The following DYNC1I1 variants were observed in gnomAD, a reference collection of about 807,000 sequenced individuals.
DYNC1I1 encodes dynein cytoplasmic 1 intermediate chain 1, also known as cytoplasmic dynein 1 intermediate chain 1.
In DYNC1I1, 43 loss-of-function variants were observed where a neutral mutation model predicts 86.6. That is an observed-to-expected ratio of 0.50 (90% CI 0.39 to 0.64). The LOEUF (loss-of-function observed/expected upper bound fraction) is 0.64. DYNC1I1 is among the 30% of genes least tolerant of loss of function. The pLI is 0.00. For missense variants in DYNC1I1, 604 were observed against 788.8 expected (o/e 0.77, Z 2.81); for synonymous variants, 262 against 283.7 (o/e 0.92, Z 0.77).
chr7:95,809,159 G>A (rs1227589567), intron 2 of DYNC1I1, among the ~76,000 whole-genome samples: 3 of 152,074 alleles, frequency 2.0e-5, no homozygotes, highest in African/African-American at 7.2e-5. Flanking sequence ...GAGTGATTTA[G>A]CTCAAAGTTA....
chr7:96,055,043 G>A (rs534078482), intron 14 of DYNC1I1, among the ~76,000 whole-genome samples: 1 of 152,272 alleles, frequency 6.6e-6, no homozygotes, highest in South Asian at 2.1e-4. Context: ...CTTTGCCCAT[G>A]CCTGTGTCCT....
intron 10 of DYNC1I1, among the ~76,000 whole-genome samples, chr7:96,020,433 G>A (rs1794515194): frequency 6.6e-6 from 1 of 152,036 alleles, no homozygotes; most frequent in Non-Finnish European, 1.5e-5. Context: ...AATACCATCA[G>A]ATCTTGTGAG....
chr7:96,055,517 T>C (rs2116134029), intron 14 of DYNC1I1, among the ~76,000 whole-genome samples: 1 of 152,334 alleles, frequency 6.6e-6, no homozygotes, highest in South Asian at 2.1e-4. Flanking sequence ...TCTTCCAATA[T>C]GTTTTGTCCC....
At chr7:96,085,799 A>G (rs1790660941) in intron 16 of DYNC1I1, among the ~76,000 whole-genome samples, 1 of 152,200 alleles carries the variant, frequency 6.6e-6, no homozygotes, top group African/African-American at 2.4e-5. Context: ...GTTTTGAGAA[A>G]TCTCCAAACT....
At chr7:95,777,422 C>T (rs1045727326) in intron 1 of DYNC1I1, among the ~76,000 whole-genome samples, 1 of 152,186 alleles carries the variant, frequency 6.6e-6, no homozygotes, top group Non-Finnish European at 1.5e-5. Flanking sequence ...TCTGAGGCTT[C>T]CCTGATACAG....
chr7:95,961,915 T>C (rs6959747), intron 6 of DYNC1I1, among the ~76,000 whole-genome samples: 60,056 of 152,010 alleles, frequency 0.4, 12,565 homozygotes, highest in Non-Finnish European at 0.47. Context: ...CCTCTCCACA[T>C]GGTTTGTCTT....
intron 14 of DYNC1I1, among the ~76,000 whole-genome samples, chr7:96,045,301 A>G (rs1217879243): frequency 6.6e-6 from 1 of 152,158 alleles, no homozygotes; most frequent in Admixed American, 6.5e-5. Context: ...AAAGTCAAGG[A>G]TGTGGTCATG....
chr7:96,032,544 G>A lies in DYNC1I1; in HGVS notation c.1117-123G>A, dbSNP rs866238754. 8.8e-5 allele frequency: 63 copies of A among 719,488 alleles called. 1 individual carries two copies. The highest frequency in any genetic ancestry group is 7.5e-4 in the African/African-American group (42 of 55,658). The allele number at this position is 719,488 out of a possible 1,614,324, so 44.6% of individuals were successfully genotyped here. ...AATCAAAAGCGGCAAATGACCTGAC[G>A]CTTGTATTATAGTAGGATTATGTTA... On this transcript the variant is annotated intron_variant, in intron 11 of 16. Transcript: ENST00000447467.
At chr7:96,065,584 C>T (rs981112839) in intron 14 of DYNC1I1, among the ~76,000 whole-genome samples, 3 of 151,996 alleles carry the variant, frequency 2.0e-5, no homozygotes, top group Non-Finnish European at 2.9e-5. Flanking sequence ...GACAGGGTTT[C>T]GCCATGTTGC....
At chr7:95,875,499 C>T (rs1584116687) in intron 6 of DYNC1I1, among the ~76,000 whole-genome samples, 2 of 152,238 alleles carry the variant, frequency 1.3e-5, no homozygotes, top group South Asian at 2.1e-4. Flanking sequence ...TCTTTTAAAC[C>T]GTCCCTGTTA....
At chr7:96,006,317 C>G (rs993302345) in intron 10 of DYNC1I1, among the ~76,000 whole-genome samples, 5 of 152,246 alleles carry the variant, frequency 3.3e-5, no homozygotes, top group Admixed American at 2.6e-4. Context: ...TAAATGACAC[C>G]ATGCCAAAAG....
intron 6 of DYNC1I1, among the ~76,000 whole-genome samples, chr7:95,917,279 A>G (rs1306903616): frequency 6.6e-6 from 1 of 152,152 alleles, no homozygotes; most frequent in African/African-American, 2.4e-5. Context: ...GCATGATTTT[A>G]TAGACTCAAA....
intron 6 of DYNC1I1, among the ~76,000 whole-genome samples, chr7:95,871,748 T>G (rs1179171542): frequency 6.6e-6 from 1 of 152,184 alleles, no homozygotes; most frequent in African/African-American, 2.4e-5. Flanking sequence ...CATTCCATTT[T>G]ATTACTGCAA....
intron 7 of DYNC1I1, 105 bp from the exon 8 acceptor site, chr7:95,984,710 G>A (rs6968143): frequency 8.0e-6 from 9 of 1,124,854 alleles, no homozygotes; most frequent in Middle Eastern, 2.5e-4. Context: ...CTTGCCACTC[G>A]TTTGATAAGC....
chr7:95,897,489 G>A (rs1171248528), intron 6 of DYNC1I1, among the ~76,000 whole-genome samples: 1 of 151,468 alleles, frequency 6.6e-6, no homozygotes, highest in Non-Finnish European at 1.5e-5. Context: ...TAGATTAAAA[G>A]TATTAAGAAA....
intron 9 of DYNC1I1, among the ~76,000 whole-genome samples, chr7:95,990,864 T>C (rs967583505): frequency 6.6e-6 from 1 of 151,866 alleles, no homozygotes; most frequent in Non-Finnish European, 1.5e-5. Flanking sequence ...ACCCCATCTC[T>C]ACAAAAAATA....
chr7:96,100,682 G>GT (rs1554447113), downstream of DYNC1I1, among the ~76,000 whole-genome samples: 11 of 150,792 alleles, frequency 7.3e-5, no homozygotes, highest in African/African-American at 1.5e-4. Flanking sequence ...GTGTGTGTGT[G>GT]GTAAGGAAGA....
intron 6 of DYNC1I1, among the ~76,000 whole-genome samples, chr7:95,872,307 G>A (rs1790194027): frequency 6.6e-6 from 1 of 152,178 alleles, no homozygotes; most frequent in African/African-American, 2.4e-5. Context: ...TTGAAGCTCT[G>A]GCATATATAA....
Position 95,851,027 on chromosome 7 carries a change from C to G in DYNC1I1, c.375-18856C>G, listed in dbSNP as rs953202082. 3.9e-5 allele frequency among the ~76,000 whole-genome samples: 6 copies of G among 152,190 alleles called. No individual in the cohort carries two copies. In the South Asian group the frequency reaches 8.3e-4, roughly 21 times the overall value. ...GTTTGTGAATGCAGCCCACTGCAAC[C>G]TCAACCTCCTGCGATCCTCCTGCCT... On this transcript the variant is annotated intron_variant, in intron 5 of 16. Coordinates refer to ENST00000447467, the MANE Select transcript of DYNC1I1 (RefSeq NM_001135556.2).
Sources: gnomAD v4.1 joint callset for allele counts (sites outside exome capture counted in the v4.1 genomes callset) on GRCh38, gnomAD v4.1.1 for gene constraint, MANE v1.5 for transcripts, NCBI Gene and HGNC (gene_info 2026-07-23, HGNC 2026-07-21) for gene names.